WDTC1: variants seen among roughly 807,000 people sequenced by gnomAD.
The protein encoded by WDTC1 is WD and tetratricopeptide repeats 1, also known as WD and tetratricopeptide repeats protein 1.
WDTC1 carries 12 observed loss-of-function variants against 76.0 expected under a neutral mutation model. That is an observed-to-expected ratio of 0.16 (90% CI 0.10 to 0.26). The LOEUF (loss-of-function observed/expected upper bound fraction) is 0.26, where lower values mean the gene tolerates loss of function less well. WDTC1 is among the 10% of genes least tolerant of loss of function. The pLI, the probability that WDTC1 is intolerant of heterozygous loss-of-function variation, is 1.00. For synonymous variants in WDTC1, 326 were observed against 350.8 expected (o/e 0.93, Z 0.79); for missense variants, 511 against 908.8 (o/e 0.56, Z 5.63).
At chr1:27,293,228 C>T (rs1176648688) in intron 7 of WDTC1, among the ~76,000 whole-genome samples, 1 of 149,720 alleles carries the variant, frequency 6.7e-6, no homozygotes, top group Non-Finnish European at 1.5e-5. Flanking sequence ...GTCAGGAGAT[C>T]GAGACCATCC....
At chr1:27,304,861 GT>G in intron 14 of WDTC1, 139 bp from the exon 15 acceptor site, 1 of 825,154 alleles carries the variant, frequency 1.2e-6, no homozygotes, top group Non-Finnish European at 1.8e-6. Context: ...GGAATTCTGG[GT>G]CAAGTGCACA....
chr1:27,240,980 A>AAAAC (rs2011614298), intron 1 of WDTC1, among the ~76,000 whole-genome samples: 1 of 151,420 alleles, frequency 6.6e-6, no homozygotes, highest in Non-Finnish European at 1.5e-5. Flanking sequence ...CTCAAAAAAA[A>AAAAC]AAAACAAAAA....
At chr1:27,282,974 CA>C (rs879679681) in intron 4 of WDTC1, among the ~76,000 whole-genome samples, 6 of 150,774 alleles carry the variant, frequency 4.0e-5, no homozygotes, top group African/African-American at 1.2e-4. Flanking sequence ...CCCGTCTCTA[CA>C]AAAAAACAAA....
intron 6 of WDTC1, 142 bp downstream of exon 6, chr1:27,288,003 C>T (rs2013392939): frequency 9.4e-7 from 1 of 1,062,934 alleles, no homozygotes; most frequent in South Asian, 1.6e-5. Context: ...TGTGTACAAA[C>T]TCCACTGGGA....
intron 3 of WDTC1, among the ~76,000 whole-genome samples, chr1:27,277,036 T>C (rs76486240): frequency 0.087 from 338 of 3,902 alleles, 2 homozygotes; most frequent in African/African-American, 0.2. Flanking sequence ...TATGTTTTAT[T>C]TTTTTTTTTT....
chr1:27,292,186 C>T, intron 6 of WDTC1, 29 bp from the exon 7 acceptor site: 1 of 1,489,336 alleles, frequency 6.7e-7, no homozygotes, highest in Non-Finnish European at 9.0e-7. Context: ...CCCCAAGCCC[C>T]AATTCCCTAA....
chr1:27,264,652 G>T (rs1053198425), intron 3 of WDTC1, among the ~76,000 whole-genome samples: 10 of 151,830 alleles, frequency 6.6e-5, no homozygotes, highest in African/African-American at 2.4e-4. Flanking sequence ...GTTTTGTTTT[G>T]TTTTGTTTTG....
rs34743468 is a variant in WDTC1 at position 27,253,007 on chromosome 1, A to AT, written c.-99-7930dup. Among the ~76,000 whole-genome samples, 458 of 106,424 alleles carry AT rather than the reference A, an allele frequency of 4.3e-3. 4 individuals are homozygous for AT. Among genetic ancestry groups the AT allele is most frequent in the African/African-American group, 0.014 (412 of 29,328 alleles). The allele number at this position is 106,424 out of a possible 152,430, so 69.8% of individuals were successfully genotyped here. A position where few individuals can be genotyped will look rare whatever the true frequency, so the allele number is the denominator to read the frequency against. ...TTATTAATTCATGTTGTTCTTTCTG[A>AT]TTTTTTTTTTTTTTTTTTTGAGATG... is the stretch of plus-strand genomic sequence containing the variant. On this transcript the variant is annotated intron_variant, in intron 1 of 15. Transcript: ENST00000319394.
At chr1:27,281,298 C>T (rs564039933) in intron 3 of WDTC1, among the ~76,000 whole-genome samples, 136 of 151,992 alleles carry the variant, frequency 8.9e-4, no homozygotes, top group African/African-American at 2.9e-3. Context: ...ACTAAAAATA[C>T]AAAAAATTAG....
intron 3 of WDTC1, among the ~76,000 whole-genome samples, chr1:27,271,558 A>C (rs1003744724): frequency 1.3e-5 from 2 of 152,114 alleles, no homozygotes; most frequent in African/African-American, 4.8e-5. Context: ...AAAAAGTAAA[A>C]TTAAATCAGC....
intron 9 of WDTC1, 74 bp from the exon 10 acceptor site, chr1:27,296,252 A>G: frequency 6.4e-7 from 1 of 1,568,906 alleles, no homozygotes; most frequent in East Asian, 2.2e-5. Flanking sequence ...TTGAGAAACC[A>G]AGACCTGCTT....
chr1:27,277,254 C>T (rs998944509), intron 3 of WDTC1, among the ~76,000 whole-genome samples: 5 of 152,094 alleles, frequency 3.3e-5, no homozygotes, highest in African/African-American at 1.2e-4. Context: ...AAAACATTGC[C>T]TAATCCAAGG....
At position 27,274,295 on chromosome 1, in the gene WDTC1, A is replaced by AAG. The variant is rs1280564682; in HGVS notation, c.133-7929_133-7928dup. Among the ~76,000 whole-genome samples, 8 of 150,780 alleles carry AAG rather than the reference A, an allele frequency of 5.3e-5. No individual in the cohort carries two copies. The highest frequency in any genetic ancestry group is 1.9e-4 in the East Asian group (1 of 5,162). ...ATGGAAGGAGACACTGTCTTTAAAA[A>AAG]AGAGAGAGAGAGAGAGGGAAAGAAA... On this transcript the variant is annotated intron_variant, in intron 3 of 15. Transcript: ENST00000319394. The surrounding 1 kb of genome is among the most constrained non-coding windows in gnomAD (Gnocchi z 4.2).
chr1:27,265,840 G>T lies in WDTC1; in HGVS notation c.132+2605G>T, dbSNP rs540907029. Reference sequence around the variant, plus strand: ...TGTGTGCCTGTAATCCCAGCAACTTGGGAGGCTGAGGCAGGAGAATCGCTT... The same window carrying T: ...TGTGTGCCTGTAATCCCAGCAACTTTGGAGGCTGAGGCAGGAGAATCGCTT... On this transcript the variant is annotated intron_variant, in intron 3 of 15. Transcript: ENST00000319394. Among the ~76,000 whole-genome samples the T allele has an allele frequency of 4.6e-5, 7 of 152,154 alleles. No individual in the cohort carries two copies. The South Asian group carries it at 1.5e-3, about 32-fold the overall frequency.
At chr1:27,291,932 T>C (rs368505320) in intron 6 of WDTC1, among the ~76,000 whole-genome samples, 1 of 152,162 alleles carries the variant, frequency 6.6e-6, no homozygotes, top group African/African-American at 2.4e-5. Flanking sequence ...TAAGTGTTGG[T>C]AATCAGTAGT....
At chr1:27,281,705 T>G (rs917719945) in intron 3 of WDTC1, among the ~76,000 whole-genome samples, 1 of 152,004 alleles carries the variant, frequency 6.6e-6, no homozygotes, top group Admixed American at 6.6e-5. Flanking sequence ...CCTCCCAACC[T>G]CAGCCTCCCG....
chr1:27,306,507 T>G lies in WDTC1; in HGVS notation c.*124T>G. 7.9e-7 allele frequency: 1 copy of G among 1,268,080 alleles called. No homozygotes were observed. The allele number at this position is 1,268,080 out of a possible 1,614,324, so 78.6% of individuals were successfully genotyped here. A position where few individuals can be genotyped will look rare whatever the true frequency, so the allele number is the denominator to read the frequency against. ...CTTTTTTTTCATTTCCCCTGTTTTGTTTGTTAGTTTGGCGTTAGGGGTGGA... is the reference window on the plus strand; with the variant it reads ...CTTTTTTTTCATTTCCCCTGTTTTGGTTGTTAGTTTGGCGTTAGGGGTGGA... On this transcript the variant is annotated 3_prime_UTR_variant, in exon 16 of 16. Transcript: ENST00000319394. This position sits in a 1 kb window ranked among gnomAD's most constrained non-coding sequence, Gnocchi z 5.0.
chr1:27,292,464 C>A, intron 7 of WDTC1, 67 bp downstream of exon 7: 1 of 1,397,226 alleles, frequency 7.2e-7, no homozygotes, highest in Non-Finnish European at 9.5e-7. Context: ...CCCTTTCCCT[C>A]ACTGCCATTG....
chr1:27,291,304 C>T (rs2013528231), intron 6 of WDTC1, among the ~76,000 whole-genome samples: 1 of 152,178 alleles, frequency 6.6e-6, no homozygotes, highest in African/African-American at 2.4e-5. Flanking sequence ...GAAATTGAGT[C>T]TTGAAAACCA....
Sources: allele counts gnomAD v4.1 joint callset (sites outside exome capture counted in the v4.1 genomes callset), GRCh38; gene constraint gnomAD v4.1.1; non-coding constraint Gnocchi (gnomAD v3.1); transcripts MANE v1.5; gene names NCBI Gene and HGNC (gene_info 2026-07-23, HGNC 2026-07-21).